ANK2: variants seen among roughly 807,000 people sequenced by gnomAD.
The protein encoded by ANK2 is ankyrin-2.
ANK2 carries 83 observed loss-of-function variants against 360.5 expected under a neutral mutation model. The observed-to-expected ratio is 0.23, with a 90% CI of 0.19 to 0.28. The LOEUF (loss-of-function observed/expected upper bound fraction) is 0.28, where lower values mean the gene tolerates loss of function less well. Ranked by LOEUF, ANK2 falls within the 10% of genes least tolerant of loss-of-function variation. The probability of loss-of-function intolerance (pLI) is 1.00; values close to 1 mark genes in which losing one functional copy is unlikely to be tolerated. For synonymous variants in ANK2, 1,740 were observed against 1,759.5 expected, an observed-to-expected ratio of 0.99 and a Z score of 0.28; for missense variants, 4,201 against 4,795.7, an observed-to-expected ratio of 0.88 and a Z score of 3.66.
the ANK2 span, among the ~76,000 whole-genome samples, chr4:112,707,063 T>C: frequency 6.6e-6 from 1 of 152,126 alleles, no homozygotes; most frequent in Non-Finnish European, 1.5e-5. Context: ...AGTGTATGAG[T>C]GTGAGAATAT....
At chr4:112,838,381 C>G (rs189882289) in intron 1 of ANK2, among the ~76,000 whole-genome samples, 2 of 152,308 alleles carry the variant, frequency 1.3e-5, no homozygotes, top group East Asian at 3.9e-4. Context: ...TGAGAATGGA[C>G]TAATACAGAG....
intron 2 of ANK2, among the ~76,000 whole-genome samples, chr4:112,950,649 G>A (rs201096383): frequency 0.047 from 5,355 of 114,638 alleles, no homozygotes; most frequent in Non-Finnish European, 0.058. Flanking sequence ...GTCTCAAAAA[G>A]AAAAAAAAAA....
intron 1 of ANK2, among the ~76,000 whole-genome samples, chr4:113,156,224 A>G (rs913931105): frequency 5.9e-5 from 9 of 152,188 alleles, no homozygotes; most frequent in African/African-American, 1.7e-4. Context: ...CTATTATATG[A>G]TATATAAAAT....
chr4:112,715,607 A>T, the ANK2 span, among the ~76,000 whole-genome samples: 3 of 152,136 alleles, frequency 2.0e-5, 1 homozygote, highest in South Asian at 6.2e-4. Context: ...TTCATAAATC[A>T]CTACATGCAA....
chr4:112,986,457 G>T (rs2154275976), intron 2 of ANK2, among the ~76,000 whole-genome samples: 1 of 152,174 alleles, frequency 6.6e-6, no homozygotes, highest in South Asian at 2.1e-4. Flanking sequence ...TTGTTTGTTT[G>T]TTTGTTTGTT....
chr4:113,348,218 A>G (rs2095089424), intron 35 of ANK2, 58 bp from the exon 36 acceptor site: 1 of 1,555,612 alleles, frequency 6.4e-7, no homozygotes, highest in African/African-American at 1.4e-5. Context: ...TCTTCTAAAT[A>G]CTCTCTACTC....
chr4:113,315,232 A>C (rs1406850363), intron 24 of ANK2, among the ~76,000 whole-genome samples: 1 of 152,226 alleles, frequency 6.6e-6, no homozygotes, highest in African/African-American at 2.4e-5. Flanking sequence ...TACCGATTGC[A>C]AAGTGCGACT....
At chr4:112,963,130 C>A (rs368427964) in intron 2 of ANK2, among the ~76,000 whole-genome samples, 1 of 152,050 alleles carries the variant, frequency 6.6e-6, no homozygotes, top group Non-Finnish European at 1.5e-5. Flanking sequence ...TATGGTTCAG[C>A]CTTCTAAGTG....
At chr4:113,195,668 G>A (rs1465834164) in intron 2 of ANK2, among the ~76,000 whole-genome samples, 1 of 152,122 alleles carries the variant, frequency 6.6e-6, no homozygotes, top group Non-Finnish European at 1.5e-5. Context: ...TATTTCCATT[G>A]CTCTGTTTAA....
the ANK2 span, among the ~76,000 whole-genome samples, chr4:112,770,711 CAA>C: frequency 0.34 from 41,503 of 121,156 alleles, 5,972 homozygotes; most frequent in East Asian, 0.42. Context: ...CTCTCTCTCT[CAA>C]AAAAAAAAAA....
At chr4:113,219,250 C>T (rs362480) in intron 4 of ANK2, among the ~76,000 whole-genome samples, 4,248 of 152,104 alleles carry the variant, frequency 0.028, 98 homozygotes, top group East Asian at 0.067. Flanking sequence ...AATTTCTACC[C>T]AATTTCAATA....
intron 37 of ANK2, chr4:113,350,875 T>C (rs186077984): frequency 6.6e-6 from 1 of 151,948 alleles, no homozygotes; most frequent in Non-Finnish European, 1.5e-5. Context: ...GAGCCAAGAA[T>C]GCAAAATTAA....
intron 38 of ANK2, among the ~76,000 whole-genome samples, chr4:113,360,246 T>C (rs1292063722): frequency 6.6e-6 from 1 of 152,124 alleles, no homozygotes; most frequent in Non-Finnish European, 1.5e-5. Context: ...TGCATACAGA[T>C]ACAATATACA....
the ANK2 span, chr4:112,788,112 C>T: frequency 1.9e-6 from 3 of 1,571,596 alleles, no homozygotes; most frequent in Non-Finnish European, 2.6e-6. Flanking sequence ...AGTTCTTTAG[C>T]CTTTGCCTTT....
chr4:113,016,660 C>CT (rs935628545), intron 2 of ANK2, among the ~76,000 whole-genome samples: 1 of 151,998 alleles, frequency 6.6e-6, no homozygotes, highest in African/African-American at 2.4e-5. Flanking sequence ...AAGTTTTGTC[C>CT]TTTTTTAAAG....
intron 4 of ANK2, among the ~76,000 whole-genome samples, chr4:113,203,986 T>C (rs997092305): frequency 2.6e-5 from 4 of 152,206 alleles, no homozygotes; most frequent in Non-Finnish European, 4.4e-5. Context: ...TTATGAACTA[T>C]AAATGTCCTG....
intron 2 of ANK2, among the ~76,000 whole-genome samples, chr4:112,974,475 T>A (rs1312360275): frequency 4.6e-5 from 7 of 152,140 alleles, no homozygotes; most frequent in Non-Finnish European, 1.0e-4. Flanking sequence ...AAAACAGAAT[T>A]GTAAGATTTC....
At chr4:113,162,359 A>G (rs2097567361) in intron 1 of ANK2, among the ~76,000 whole-genome samples, 1 of 152,144 alleles carries the variant, frequency 6.6e-6, no homozygotes, top group Non-Finnish European at 1.5e-5. Flanking sequence ...GTAACACTCA[A>G]TCTCCCTATT....
chr4:112,982,513 T>G (rs938239226), intron 2 of ANK2, among the ~76,000 whole-genome samples: 1 of 152,156 alleles, frequency 6.6e-6, no homozygotes, highest in African/African-American at 2.4e-5. Flanking sequence ...TCTTGAAAAA[T>G]AGAATTGAGT....
Sources: gnomAD v4.1 joint callset for allele counts (sites outside exome capture counted in the v4.1 genomes callset) on GRCh38, gnomAD v4.1.1 for gene constraint, MANE v1.5 for transcripts, NCBI Gene and HGNC (gene_info 2026-07-23, HGNC 2026-07-21) for gene names.